C12orf56: variants seen among roughly 807,000 people sequenced by gnomAD.
C12orf56 encodes uncharacterized protein C12orf56.
A neutral mutation model predicts 69.9 loss-of-function variants in C12orf56; 71 were observed. That is an observed-to-expected ratio of 1.02 (90% CI 0.84 to 1.24). C12orf56 has a LOEUF of 1.24. C12orf56 is among the 50% of genes most tolerant of loss of function. The probability of loss-of-function intolerance (pLI) is 0.00; values close to 1 mark genes in which losing one functional copy is unlikely to be tolerated. For synonymous variants in C12orf56, 276 were observed against 274.1 expected (o/e 1.01, Z -0.07); for missense variants, 732 against 738.5 (o/e 0.99, Z 0.10).
At position 64,370,753 on chromosome 12, in the gene C12orf56, A is replaced by G. The variant is rs1172907110; in HGVS notation, c.253-17697T>C. ...ATCTTGAGAAAGAAGAAAAATGCTG[A>G]AGGCATCACATTTCCTGATTTAAAA... On this transcript the variant is annotated intron_variant, in intron 1 of 12. Coordinates refer to ENST00000543942, the MANE Select transcript of C12orf56 (RefSeq NM_001170633.2). Among the ~76,000 whole-genome samples, 5 of 152,226 alleles carry G rather than the reference A, an allele frequency of 3.3e-5. No homozygotes were observed. The East Asian group carries it at 9.6e-4, about 29-fold the overall frequency.
At chr12:64,357,721 A>G (rs189655225) in intron 1 of C12orf56, among the ~76,000 whole-genome samples, 162 of 151,272 alleles carry the variant, frequency 1.1e-3, no homozygotes, top group Non-Finnish European at 1.3e-3. Flanking sequence ...ACATAGTGAG[A>G]CCCCCCCAAT....
At chr12:64,353,115 T>G (rs570503100) in intron 1 of C12orf56, 59 bp from the exon 2 acceptor site, 2 of 1,528,458 alleles carry the variant, frequency 1.3e-6, no homozygotes, top group South Asian at 2.4e-5. Context: ...CCTATTTTGG[T>G]ATAATAAATC....
At chr12:64,374,704 C>T (rs1210125592) in intron 1 of C12orf56, among the ~76,000 whole-genome samples, 1 of 151,814 alleles carries the variant, frequency 6.6e-6, no homozygotes, top group African/African-American at 2.4e-5. Context: ...CCACCATGCC[C>T]GGCTAATTTT....
At position 64,352,890 on chromosome 12, in the gene C12orf56, CTA is replaced by C. The variant is rs753784772; in HGVS notation, c.415+2_415+3del. 3 of 1,596,840 alleles carry C rather than the reference CTA, an allele frequency of 1.9e-6. No homozygotes were observed. The highest frequency in any genetic ancestry group is 1.1e-5 in the South Asian group (1 of 88,006). The stretch of plus-strand genomic sequence containing the variant: ...AGATCCAGAGACAGATTGGAAGTAC[CTA>C]CCTTTCTTGTTGTTAGCTTTAGTAT... On this transcript the variant is annotated splice_donor_variant and splice_donor_region_variant and intron_variant, in intron 2 of 12. Transcript: ENST00000543942. LOFTEE classifies it high-confidence loss of function.
intron 6 of C12orf56, among the ~76,000 whole-genome samples, chr12:64,293,546 G>A (rs1185871634): frequency 1.3e-5 from 2 of 150,336 alleles, no homozygotes; most frequent in South Asian, 2.1e-4. Context: ...TGATTTAAAC[G>A]TAAGTTTAAA....
chr12:64,333,828 A>G (rs2038961245), intron 2 of C12orf56, among the ~76,000 whole-genome samples: 1 of 152,138 alleles, frequency 6.6e-6, no homozygotes, highest in South Asian at 2.1e-4. Context: ...TTCACTTTGT[A>G]ATAATGGTCT....
intron 4 of C12orf56, among the ~76,000 whole-genome samples, chr12:64,313,935 C>T (rs1293027525): frequency 3.3e-5 from 5 of 149,952 alleles, no homozygotes; most frequent in Non-Finnish European, 1.5e-5. Flanking sequence ...CCCAGCTACT[C>T]GGGAGGCTGA....
At chr12:64,314,885 T>C (rs1015322677) in intron 4 of C12orf56, among the ~76,000 whole-genome samples, 9 of 140,200 alleles carry the variant, frequency 6.4e-5, no homozygotes, top group Non-Finnish European at 1.4e-4. Context: ...TCCGCCCGCC[T>C]CGGCCTCCCA....
chr12:64,281,784 C>T (rs187787183), intron 8 of C12orf56, among the ~76,000 whole-genome samples: 3 of 152,054 alleles, frequency 2.0e-5, no homozygotes, highest in African/African-American at 4.8e-5. Context: ...TGATATAGGA[C>T]GGCTGATGTG....
intron 5 of C12orf56, among the ~76,000 whole-genome samples, chr12:64,307,791 C>T (rs2038535751): frequency 6.6e-6 from 1 of 151,188 alleles, no homozygotes; most frequent in Non-Finnish European, 1.5e-5. Context: ...TTGTTTAAAC[C>T]CAGGAGTTCC....
At position 64,380,104 on chromosome 12, in the gene C12orf56, C is replaced by CA. The variant is rs60079906; in HGVS notation, c.252+10209dup. Among the ~76,000 whole-genome samples the CA allele has an allele frequency of 4.1e-3, 204 of 49,976 alleles. 26 individuals carry two copies. Among genetic ancestry groups the CA allele is most frequent in the East Asian group, 0.018 (22 of 1,198 alleles). The allele number at this position is 49,976 out of a possible 152,430, so 32.8% of individuals were successfully genotyped here. ...TGGGCGACAGAGCAAGACTCCGTCG[C>CA]AAAAAAAAAAAAAAAAAAAAAAAAA... is the stretch of plus-strand genomic sequence containing the variant. On this transcript the variant is annotated intron_variant, in intron 1 of 12. Transcript: ENST00000543942.
At chr12:64,383,354 T>C (rs1468235572) in intron 1 of C12orf56, among the ~76,000 whole-genome samples, 1 of 151,914 alleles carries the variant, frequency 6.6e-6, no homozygotes, top group Non-Finnish European at 1.5e-5. Context: ...TTTTGTTTAA[T>C]TGGATTTTCC....
At chr12:64,309,809 CTTATCAT>C in intron 5 of C12orf56, among the ~76,000 whole-genome samples, 1 of 152,154 alleles carries the variant, frequency 6.6e-6, no homozygotes, top group African/African-American at 2.4e-5. Flanking sequence ...CTGCACCCGG[CTTATCAT>C]ACTCACACTT....
At chr12:64,340,786 C>T (rs2039064512) in intron 2 of C12orf56, among the ~76,000 whole-genome samples, 1 of 152,230 alleles carries the variant, frequency 6.6e-6, no homozygotes, top group Non-Finnish European at 1.5e-5. Context: ...CTACCTTCTT[C>T]TACTACCCAT....
chr12:64,386,398 A>AT lies in C12orf56; in HGVS notation c.252+3915dup, dbSNP rs768370363. Among the ~76,000 whole-genome samples the AT allele has an allele frequency of 6.9e-3, 604 of 87,330 alleles. 7 individuals are homozygous for AT. Among genetic ancestry groups the AT allele is most frequent in the Non-Finnish European group, 8.7e-3 (388 of 44,456 alleles). 57.3% of individuals were successfully genotyped at this position (87,330 alleles called of 152,430 possible). On this transcript the variant is annotated intron_variant, in intron 1 of 12. Transcript: ENST00000543942. ...CTGGCTAATTTTTATATATATATAT[A>AT]TTTTTTTTTTTTTTTGAGACGGAGT...
In C12orf56 at chr12:64,270,620, T is replaced by C; in HGVS notation, c.1679A>G (p.Gln560Arg). 1 of 1,613,846 alleles carries C rather than the reference T, an allele frequency of 6.2e-7. No individual in the cohort carries two copies. The highest frequency in any genetic ancestry group is 8.5e-7 in the Non-Finnish European group (1 of 1,179,812). Residue 560 changes from glutamine (Q) to arginine (R), a missense_variant, in exon 12 of 13, where the codon CAG (glutamine) becomes CGG (arginine). Gln to Arg is a conservative substitution (Grantham distance 43). Transcript: ENST00000543942. ...ACAGCTCTTGAGGATGTAAAATTGC[T>C]GGTACAACAGAACTGCTTGGCAGGG... ...LSPCQAVLLY[Q>R]QFYILKSCLR...
chr12:64,271,107 G>C (rs1448780089), intron 11 of C12orf56, among the ~76,000 whole-genome samples: 2 of 152,114 alleles, frequency 1.3e-5, no homozygotes, highest in African/African-American at 4.8e-5. Flanking sequence ...AGAGGTTGCA[G>C]TGAGCCGAGA....
rs1053561665 is a variant in C12orf56, at chr12:64,282,040, C to T, written c.1310+2624G>A. ...ATCTCCATCTTGGAGATTAGGGAAA[C>T]GGCAGTACTACCAATCGCATAAAGA... On this transcript the variant is annotated intron_variant, in intron 8 of 12. Coordinates refer to ENST00000543942, the MANE Select transcript of C12orf56 (RefSeq NM_001170633.2). 2.0e-5 allele frequency among the ~76,000 whole-genome samples: 3 copies of T among 152,160 alleles called. No individual in the cohort carries two copies. The East Asian group carries it at 5.8e-4, about 29-fold the overall frequency.
chr12:64,328,471 GA>G (rs1262282093), intron 3 of C12orf56, among the ~76,000 whole-genome samples: 1 of 151,592 alleles, frequency 6.6e-6, no homozygotes, highest in Non-Finnish European at 1.5e-5. Flanking sequence ...ATGAGGTCAG[GA>G]GTTCGAGACC....
Sources: gnomAD v4.1 joint callset for allele counts (sites outside exome capture counted in the v4.1 genomes callset) on GRCh38, gnomAD v4.1.1 for gene constraint, MANE v1.5 for transcripts, NCBI Gene and HGNC (gene_info 2026-07-23, HGNC 2026-07-21) for gene names.